The following PAX3 variants were observed in gnomAD, a reference collection of about 807,000 sequenced individuals.
PAX3 encodes the protein paired box 3, also known as paired box protein Pax-3.
Under a neutral mutation model 51.6 loss-of-function variants are expected in PAX3, and 14 were observed. That is an observed-to-expected ratio of 0.27 (90% CI 0.18 to 0.42). The LOEUF (loss-of-function observed/expected upper bound fraction) is 0.42. Ranked by LOEUF, PAX3 falls within the 10% of genes least tolerant of loss-of-function variation. The pLI is 1.00. For synonymous variants in PAX3, 280 were observed against 253.4 expected, an observed-to-expected ratio of 1.11 and a Z score of -1.00; for missense variants, 540 against 642.8, an observed-to-expected ratio of 0.84 and a Z score of 1.73.
rs1259174817 is a variant in PAX3 at position 222,298,539 on chromosome 2, G to A, written c.77C>T (p.Pro26Leu). The change falls in exon 1 of 9, where the codon CCG becomes CTG. Residue 26 changes from proline (P) to leucine (L), a missense_variant. Pro to Leu is a moderately conservative substitution (Grantham distance 98). This residue lies in a region of PAX3 where 63 missense variants were observed against 49.9 expected (regional missense o/e 1.26). Coordinates refer to ENST00000392070, the MANE Select transcript of PAX3 (RefSeq NM_181458.4). Reference protein sequence around the residue: ...PGQNYPRSGFPLEVSTPLGQG... With the variant: ...PGQNYPRSGFLLEVSTPLGQG... ...CTGAGGCCCTCCCTTACCTTCCAGC[G>A]GGAACCCGCTACGCGGGTAGTTCTG... 1.2e-6 allele frequency: 2 copies of A among 1,603,726 alleles called. No individual in the cohort carries two copies. The highest frequency in any genetic ancestry group is 1.7e-6 in the Non-Finnish European group (2 of 1,175,774).
chr2:222,221,185 A>T, intron 6 of PAX3, 37 bp downstream of exon 6: 2 of 1,601,618 alleles, frequency 1.2e-6, no homozygotes, highest in South Asian at 2.2e-5. Context: ...AATCGCCTGG[A>T]AGTTACTTTC....
chr2:222,278,655 C>A (rs1694518618), intron 4 of PAX3, among the ~76,000 whole-genome samples: 1 of 152,168 alleles, frequency 6.6e-6, no homozygotes, highest in Admixed American at 6.5e-5. Context: ...CTAGACAGCT[C>A]AATGGGGAAT....
chr2:222,272,085 A>C (rs1049243486), intron 4 of PAX3, among the ~76,000 whole-genome samples: 1 of 152,156 alleles, frequency 6.6e-6, no homozygotes, highest in Admixed American at 6.6e-5. Context: ...GACAACATTG[A>C]CCTGGGATCT....
At chr2:222,210,438 T>C (rs575795265) in intron 7 of PAX3, among the ~76,000 whole-genome samples, 77 of 152,298 alleles carry the variant, frequency 5.1e-4, no homozygotes, top group African/African-American at 1.9e-3. Flanking sequence ...TATCTATTGT[T>C]ATAGAAGATG....
chr2:222,214,047 A>G lies in PAX3; in HGVS notation c.1173+6093T>C, dbSNP rs45567839. ...GAAGTACCCAATGCAACAATTTTTAATGACTATATCCCATCCACATAACAA... is the reference window on the plus strand; with the variant it reads ...GAAGTACCCAATGCAACAATTTTTAGTGACTATATCCCATCCACATAACAA... On this transcript the variant is annotated intron_variant, in intron 7 of 8. Coordinates refer to ENST00000392070, the MANE Select transcript of PAX3 (RefSeq NM_181458.4). Among the ~76,000 whole-genome samples the G allele has an allele frequency of 3.3e-3, 503 of 152,306 alleles. 2 individuals are homozygous for G. The highest frequency in any genetic ancestry group is 0.012 in the African/African-American group (489 of 41,574).
chr2:222,280,225 AAG>A (rs1214042299), intron 4 of PAX3, among the ~76,000 whole-genome samples: 1 of 149,144 alleles, frequency 6.7e-6, no homozygotes, highest in African/African-American at 2.5e-5. Context: ...GAAAGAAAGA[AAG>A]AGAGAGAGGG....
intron 4 of PAX3, chr2:222,293,931 TG>T: frequency 7.2e-7 from 1 of 1,397,224 alleles, no homozygotes; most frequent in Non-Finnish European, 9.2e-7. Flanking sequence ...GGGCTGAAAG[TG>T]GTTAAGAAAG....
Position 222,291,147 on chromosome 2 carries a change from C to A in PAX3, c.586+3020G>T, listed in dbSNP as rs1433159429. 3.3e-5 allele frequency among the ~76,000 whole-genome samples: 5 copies of A among 152,230 alleles called. No homozygotes were observed. In the East Asian group the frequency reaches 9.7e-4, roughly 30 times the overall value. ...CGCCCGCGGGCCCGCTAGGCCGAGCCGGGGGAGGAACAGAGGCGCCCATTG... is the reference window on the plus strand; with the variant it reads ...CGCCCGCGGGCCCGCTAGGCCGAGCAGGGGGAGGAACAGAGGCGCCCATTG... On this transcript the variant is annotated intron_variant, in intron 4 of 8. Coordinates refer to ENST00000392070, the MANE Select transcript of PAX3 (RefSeq NM_181458.4).
intron 4 of PAX3, among the ~76,000 whole-genome samples, chr2:222,291,828 T>C (rs1002484753): frequency 2.0e-5 from 3 of 152,172 alleles, no homozygotes; most frequent in African/African-American, 4.8e-5. Flanking sequence ...GTTTCTAGAC[T>C]TCAAACTGCA....
intron 5 of PAX3, among the ~76,000 whole-genome samples, chr2:222,228,049 A>G (rs1003168442): frequency 6.6e-6 from 1 of 152,208 alleles, no homozygotes; most frequent in Non-Finnish European, 1.5e-5. Flanking sequence ...CTATCACTCA[A>G]ACTGAGTTGA....
At chr2:222,291,646 G>A (rs1695042901) in intron 4 of PAX3, among the ~76,000 whole-genome samples, 1 of 152,104 alleles carries the variant, frequency 6.6e-6, no homozygotes, top group African/African-American at 2.4e-5. Context: ...CCACTAACTG[G>A]AAAAGGGCAA....
chr2:222,286,071 G>A (rs908195205), intron 4 of PAX3, among the ~76,000 whole-genome samples: 2 of 152,204 alleles, frequency 1.3e-5, no homozygotes, highest in African/African-American at 4.8e-5. Flanking sequence ...CCAAGTAGCT[G>A]GGGTTACAGG....
At chr2:222,204,853 A>AAATGGAATG (rs1691443881) in intron 7 of PAX3, among the ~76,000 whole-genome samples, 1 of 152,278 alleles carries the variant, frequency 6.6e-6, no homozygotes, top group African/African-American at 2.4e-5. Context: ...TTTAAGGGAG[A>AAATGGAATG]AATGGAATGC....
At chr2:222,232,568 C>T (rs1692638195) in intron 4 of PAX3, among the ~76,000 whole-genome samples, 1 of 152,084 alleles carries the variant, frequency 6.6e-6, no homozygotes, top group African/African-American at 2.4e-5. Flanking sequence ...TCTTTCTGCC[C>T]CCTAGGCAGA....
intron 4 of PAX3, among the ~76,000 whole-genome samples, chr2:222,250,045 G>A (rs1285074459): frequency 6.6e-6 from 1 of 152,038 alleles, no homozygotes; most frequent in Non-Finnish European, 1.5e-5. Context: ...TAAAACTGTG[G>A]TTTTATTTTT....
intron 7 of PAX3, among the ~76,000 whole-genome samples, chr2:222,214,978 G>T (rs141054276): frequency 1.4e-4 from 21 of 152,104 alleles, no homozygotes; most frequent in African/African-American, 5.1e-4. Flanking sequence ...CTGCCCATCT[G>T]TTCTAAACAT....
In PAX3 at chr2:222,278,537, A is replaced by C. The variant is rs149573592; in HGVS notation, c.586+15630T>G. Among the ~76,000 whole-genome samples, 13 of 152,292 alleles carry C rather than the reference A, an allele frequency of 8.5e-5. No homozygotes were observed. The East Asian group carries it at 2.5e-3, about 29-fold the overall frequency. On this transcript the variant is annotated intron_variant, in intron 4 of 8. Transcript: ENST00000392070. ...CCTTCTTGTCCTTCTGCTTTTTGCC[A>C]GGGAGCCCAAGGGACAAAAGCCAAG...
intron 7 of PAX3, among the ~76,000 whole-genome samples, chr2:222,202,697 T>G (rs1691347618): frequency 6.6e-6 from 1 of 151,994 alleles, no homozygotes; most frequent in Non-Finnish European, 1.5e-5. Context: ...TGTGCCTTTT[T>G]TTTTTTAAAT....
At chr2:222,293,686 G>A (rs1015694350) in intron 4 of PAX3, 2 of 1,614,092 alleles carry the variant, frequency 1.2e-6, no homozygotes, top group Non-Finnish European at 1.7e-6. Context: ...AATTTTGGAG[G>A]GCCGTTGCCC....
Sources: gnomAD v4.1 joint callset for allele counts (sites outside exome capture counted in the v4.1 genomes callset) on GRCh38, gnomAD v4.1.1 for gene constraint, gnomAD v4.1.1 regional missense constraint, MANE v1.5 for transcripts, NCBI Gene and HGNC (gene_info 2026-07-23, HGNC 2026-07-21) for gene names.